The following RPH3A variants were observed in gnomAD, a reference collection of about 807,000 sequenced individuals.
The protein encoded by RPH3A is rabphilin-3A.
RPH3A carries 48 observed loss-of-function variants against 102.2 expected under a neutral mutation model. That is an observed-to-expected ratio of 0.47 (90% CI 0.37 to 0.60). The LOEUF is 0.60. Among genes scored for constraint, RPH3A ranks in the 20% least tolerant of loss-of-function variants. RPH3A has a pLI of 0.00. For synonymous variants in RPH3A, 310 were observed against 324.3 expected (o/e 0.96, Z 0.47); for missense variants, 781 against 910.1 (o/e 0.86, Z 1.83).
intron 1 of RPH3A, among the ~76,000 whole-genome samples, chr12:112,751,839 A>G (rs1372934208): frequency 6.6e-6 from 1 of 152,224 alleles, no homozygotes; most frequent in Admixed American, 6.5e-5. Context: ...TGGAAGCAGC[A>G]TAAATTTTTA....
At chr12:112,701,915 C>A (rs187364994) in intron 1 of RPH3A, among the ~76,000 whole-genome samples, 1 of 152,192 alleles carries the variant, frequency 6.6e-6, no homozygotes, top group Non-Finnish European at 1.5e-5. Context: ...TCTTTAACTG[C>A]AAAATGTACT....
Position 112,887,798 on chromosome 12 carries a change from A to ATCTCCG in RPH3A, c.1442_1447dup (p.Ser481_Val482dup). The ATCTCCG allele has an allele frequency of 6.2e-7, 1 of 1,613,366 alleles. No homozygotes were observed. The highest frequency in any genetic ancestry group is 2.2e-5 in the East Asian group (1 of 44,870). ...TCTACCCCCTTGTGTTGGTGGCAGG[A>ATCTCCG]TCTCCGTCTGTGATGAGGACAAATT... On this transcript the variant is annotated inframe_insertion and splice_region_variant, in exon 17 of 22. Transcript: ENST00000389385.
chr12:112,879,454 G>A (rs374305544), intron 14 of RPH3A, among the ~76,000 whole-genome samples: 22 of 152,220 alleles, frequency 1.4e-4, no homozygotes, highest in African/African-American at 5.3e-4. Flanking sequence ...CAAGAGCAGA[G>A]TTGGCCCCTA....
At chr12:112,709,759 G>A (rs181518834) in intron 1 of RPH3A, among the ~76,000 whole-genome samples, 2 of 152,212 alleles carry the variant, frequency 1.3e-5, no homozygotes. Context: ...AAGAAACCAG[G>A]GTAGTAGAGG....
chr12:112,679,336 G>A (rs1011292731), intron 1 of RPH3A, among the ~76,000 whole-genome samples: 16 of 152,094 alleles, frequency 1.1e-4, no homozygotes, highest in African/African-American at 3.6e-4. Context: ...TGTATTTTTA[G>A]TAGAGATGGG....
Position 112,791,903 on chromosome 12 carries a change from A to AGAGAGAGAGAGAGAGAGAGG in RPH3A, c.-247_-246insGAGAGAGAGAGAGAGAGGGA, listed in dbSNP as rs1565882498. 6.7e-6 allele frequency: 1 copy of AGAGAGAGAGAGAGAGAGAGG among 150,206 alleles called. No homozygotes were observed. The highest frequency in any genetic ancestry group is 1.5e-5 in the Non-Finnish European group (1 of 67,194). 9.3% of individuals were successfully genotyped at this position (150,206 alleles called of 1,614,324 possible). On this transcript the variant is annotated 5_prime_UTR_variant, in exon 1 of 22. Transcript: ENST00000389385. Reference sequence around the variant, plus strand: ...GAGAGAGAGAGAGAGAGAGAGAGAGAGACTCACAGAGCTAAAACCTTCATC... The same window carrying AGAGAGAGAGAGAGAGAGAGG: ...GAGAGAGAGAGAGAGAGAGAGAGAGAGAGAGAGAGAGAGAGAGAGGGACTCACAGAGCTAAAACCTTCATC...
At chr12:112,843,254 G>T (rs541526325) in intron 4 of RPH3A, among the ~76,000 whole-genome samples, 1 of 152,298 alleles carries the variant, frequency 6.6e-6, no homozygotes, top group East Asian at 1.9e-4. Context: ...AAAAGCTTTG[G>T]TCTGAAAAAC....
chr12:112,759,926 G>A (rs936936284), intron 1 of RPH3A, among the ~76,000 whole-genome samples: 1 of 152,168 alleles, frequency 6.6e-6, no homozygotes, highest in Non-Finnish European at 1.5e-5. Context: ...GCTGAGAGCA[G>A]GATCTATTTA....
intron 5 of RPH3A, among the ~76,000 whole-genome samples, chr12:112,851,745 G>A (rs541904173): frequency 6.6e-6 from 1 of 152,266 alleles, no homozygotes; most frequent in African/African-American, 2.4e-5. Context: ...AGCTTCCCAG[G>A]AGGGAGAGAG....
rs138821594 is a variant in RPH3A at position 112,735,852 on chromosome 12, T to C, written c.-139-56291T>C. On this transcript the variant is annotated intron_variant, in intron 1 of 21. Transcript: ENST00000543106. ...GCTTAGAGGATGAAATTTAGGCTGC[T>C]CCATGGACCCACTGGGATCTATTCC... is the stretch of plus-strand genomic sequence containing the variant. Among the ~76,000 whole-genome samples the C allele has an allele frequency of 2.1e-3, 324 of 152,304 alleles. 1 individual carries two copies. The highest frequency in any genetic ancestry group is 3.6e-3 in the Non-Finnish European group (246 of 68,026).
intron 1 of RPH3A, among the ~76,000 whole-genome samples, chr12:112,647,537 A>G (rs1447113384): frequency 3.3e-5 from 5 of 152,146 alleles, no homozygotes; most frequent in East Asian, 1.9e-4. Context: ...TCATGCTGCA[A>G]TCAACAGAAT....
At chr12:112,699,002 C>T (rs765052034) in intron 1 of RPH3A, among the ~76,000 whole-genome samples, 13 of 151,444 alleles carry the variant, frequency 8.6e-5, no homozygotes, top group Non-Finnish European at 1.6e-4. Flanking sequence ...CTCACTTCAG[C>T]CTTGACCTCC....
intron 13 of RPH3A, among the ~76,000 whole-genome samples, chr12:112,877,772 CATT>C (rs1276402516): frequency 2.0e-5 from 3 of 152,186 alleles, no homozygotes; most frequent in Admixed American, 1.3e-4. Context: ...AAATGGAAAT[CATT>C]ATTACATAGT....
At chr12:112,601,243 A>T (rs1364618264) in intron 1 of RPH3A, among the ~76,000 whole-genome samples, 1 of 152,184 alleles carries the variant, frequency 6.6e-6, no homozygotes, top group Non-Finnish European at 1.5e-5. Flanking sequence ...ATAAATGTTA[A>T]CTTTTATTAT....
At chr12:112,758,927 C>T (rs116282816) in intron 1 of RPH3A, among the ~76,000 whole-genome samples, 1,840 of 152,224 alleles carry the variant, frequency 0.012, 44 homozygotes, top group African/African-American at 0.042. Flanking sequence ...AGAAATATGG[C>T]GCTTCCTGGT....
chr12:112,769,121 A>G (rs2136071363), intron 1 of RPH3A, among the ~76,000 whole-genome samples: 1 of 152,256 alleles, frequency 6.6e-6, no homozygotes, highest in South Asian at 2.1e-4. Context: ...AGTATTCAAT[A>G]TTTTTTGACT....
At chr12:112,811,218 TA>T (rs969596198) in intron 2 of RPH3A, among the ~76,000 whole-genome samples, 2 of 152,222 alleles carry the variant, frequency 1.3e-5, no homozygotes, top group Non-Finnish European at 1.5e-5. Flanking sequence ...CTGATTCCAT[TA>T]ACAGGCTCCC....
intron 1 of RPH3A, among the ~76,000 whole-genome samples, chr12:112,720,395 C>T (rs1478121777): frequency 6.6e-6 from 1 of 152,236 alleles, no homozygotes; most frequent in Non-Finnish European, 1.5e-5. Flanking sequence ...ATGTTTTCCA[C>T]ATGTTGGTGG....
chr12:112,829,795 A>G (rs1205716006), intron 3 of RPH3A, among the ~76,000 whole-genome samples: 1 of 152,238 alleles, frequency 6.6e-6, no homozygotes, highest in Non-Finnish European at 1.5e-5. Context: ...TCTATGAACA[A>G]AGGTAGCCAT....
Sources: gnomAD v4.1 joint callset for allele counts (sites outside exome capture counted in the v4.1 genomes callset) on GRCh38, gnomAD v4.1.1 for gene constraint, MANE v1.5 for transcripts, NCBI Gene and HGNC (gene_info 2026-07-23, HGNC 2026-07-21) for gene names.